Variants in LAMC3 observed in about 807,000 individuals in gnomAD.
LAMC3 encodes the protein laminin subunit gamma 3, also known as laminin subunit gamma-3.
In LAMC3, 128 loss-of-function variants were observed where a neutral mutation model predicts 173.8. That is an observed-to-expected ratio of 0.74 (90% CI 0.64 to 0.85). The LOEUF (loss-of-function observed/expected upper bound fraction) is 0.85. Ranked by LOEUF, LAMC3 falls within the 40% of genes least tolerant of loss-of-function variation. LAMC3 has a pLI of 0.00. For missense variants in LAMC3, 2,022 were observed against 2,156.0 expected, an observed-to-expected ratio of 0.94 and a Z score of 1.23; for synonymous variants, 897 against 909.1, an observed-to-expected ratio of 0.99 and a Z score of 0.24.
At chr9:131,076,584 A>G (rs1020949329) in intron 21 of LAMC3, among the ~76,000 whole-genome samples, 1 of 152,208 alleles carries the variant, frequency 6.6e-6, no homozygotes, top group Admixed American at 6.5e-5. Context: ...AGGAGGAGTA[A>G]GGGATGGAAG....
At chr9:131,033,860 G>T (rs190762296) in intron 3 of LAMC3, among the ~76,000 whole-genome samples, 3 of 152,100 alleles carry the variant, frequency 2.0e-5, no homozygotes, top group Non-Finnish European at 2.9e-5. Context: ...GTTCAGAGGC[G>T]CTTGGGTGGC....
chr9:131,044,098 A>G (rs547163038), intron 7 of LAMC3, among the ~76,000 whole-genome samples: 1 of 151,526 alleles, frequency 6.6e-6, no homozygotes, highest in Non-Finnish European at 1.5e-5. Flanking sequence ...AGCTAGGATT[A>G]TAGGCACCCA....
chr9:131,038,953 C>T lies in LAMC3; in HGVS notation c.1066C>T (p.Arg356Cys), dbSNP rs138713603. ...CCACGGCGGGCGCTGTCACCACTGCCGTGACCACACAGCTGGGCCACACTG... is the reference window on the plus strand; with the variant it reads ...CCACGGCGGGCGCTGTCACCACTGCTGTGACCACACAGCTGGGCCACACTG... ...TGHGGRCHHCRDHTAGPHCER... is the reference protein window; with the variant it reads ...TGHGGRCHHCCDHTAGPHCER... Residue 356 changes from arginine to cysteine, a missense_variant, in exon 5 of 28, where the codon CGT becomes TGT. Transcript: ENST00000361069. 7.2e-4 allele frequency: 1,163 copies of T among 1,613,150 alleles called. No homozygotes were observed. Among genetic ancestry groups the T allele is most frequent in the Non-Finnish European group, 9.2e-4 (1,090 of 1,179,950 alleles).
At chr9:131,075,719 G>C in intron 20 of LAMC3, 112 bp from the exon 21 acceptor site, 1 of 1,218,838 alleles carries the variant, frequency 8.2e-7, no homozygotes, top group Non-Finnish European at 1.2e-6. Flanking sequence ...TGTCTTTGTG[G>C]CTGTCCTCTG....
intron 1 of LAMC3, among the ~76,000 whole-genome samples, chr9:131,012,028 C>T (rs1204621214): frequency 2.0e-5 from 3 of 150,040 alleles, no homozygotes; most frequent in Non-Finnish European, 4.4e-5. Flanking sequence ...AGAGCCTCCA[C>T]ACTGTGAATG....
chr9:131,045,420 T>C, intron 7 of LAMC3, 104 bp from the exon 8 acceptor site: 1 of 1,337,870 alleles, frequency 7.5e-7, no homozygotes, highest in South Asian at 1.2e-5. Context: ...TTTAAGTTTC[T>C]GCAGTGATTC....
chr9:131,067,167 G>A lies in LAMC3; in HGVS notation c.2555G>A (p.Gly852Glu), dbSNP rs1829953227. 5 of 1,614,130 alleles carry A rather than the reference G, an allele frequency of 3.1e-6. No homozygotes were observed. Among genetic ancestry groups the A allele is most frequent in the Non-Finnish European group, 4.2e-6 (5 of 1,180,032 alleles). Residue 852 changes from glycine to glutamate, a missense_variant, in exon 14 of 28, where the codon GGG becomes GAG. Physicochemically the swap from Gly to Glu is moderately conservative, Grantham distance 98. Coordinates refer to ENST00000361069, the MANE Select transcript of LAMC3 (RefSeq NM_006059.4). ...GAGCACTGTCAGGAAGGCTTCTACG[G>A]GAGCGCCCTGGCCCCTCGACCCGCA... ...HCEHCQEGFY[G>E]SALAPRPADK...
At chr9:131,038,766 C>T (rs1490238839) in intron 4 of LAMC3, 98 bp from the exon 5 acceptor site, 4 of 1,257,886 alleles carry the variant, frequency 3.2e-6, no homozygotes, top group Non-Finnish European at 4.6e-6. Flanking sequence ...TCTCTTTGCA[C>T]TGCCTGCTCA....
chr9:131,056,896 T>TC (rs1361180368), intron 11 of LAMC3, 33 bp from the exon 12 acceptor site: 1 of 1,568,384 alleles, frequency 6.4e-7, no homozygotes, highest in African/African-American at 1.3e-5. Context: ...AGCTTGTGCC[T>TC]CCTCTCTTCC....
intron 6 of LAMC3, among the ~76,000 whole-genome samples, chr9:131,039,492 T>C (rs1294298944): frequency 6.6e-6 from 1 of 151,552 alleles, no homozygotes; most frequent in Non-Finnish European, 1.5e-5. Flanking sequence ...GCAGGCTTCC[T>C]GTAGGAGGTG....
In LAMC3 at chr9:131,085,522, A is replaced by C; in HGVS notation, c.4031-2A>C. ...CTGACCCAGCCTCAGCCGGGTTTGC[A>C]GGAATGAAGCTGCAGTTTCCCCGGC... is the stretch of plus-strand genomic sequence containing the variant. On this transcript the variant is annotated splice_acceptor_variant, in intron 24 of 27. Coordinates refer to ENST00000361069, the MANE Select transcript of LAMC3 (RefSeq NM_006059.4). LOFTEE classifies it high-confidence loss of function. 1 of 1,613,790 alleles carries C rather than the reference A, an allele frequency of 6.2e-7. No homozygotes were observed. Among genetic ancestry groups the C allele is most frequent in the Non-Finnish European group, 8.5e-7 (1 of 1,179,976 alleles).
At chr9:131,012,819 C>T (rs1833446784) in intron 1 of LAMC3, among the ~76,000 whole-genome samples, 1 of 152,228 alleles carries the variant, frequency 6.6e-6, no homozygotes, top group African/African-American at 2.4e-5. Flanking sequence ...CCCGGGGTCT[C>T]CTAGAGGGAA....
intron 12 of LAMC3, 75 bp downstream of exon 12, chr9:131,057,222 G>A: frequency 7.8e-7 from 1 of 1,290,164 alleles, no homozygotes; most frequent in Non-Finnish European, 1.1e-6. Flanking sequence ...GACCTGAACA[G>A]GGCCAGCCTG....
chr9:131,051,365 C>CT (rs58477043), intron 9 of LAMC3, among the ~76,000 whole-genome samples: 28,670 of 126,568 alleles, frequency 0.23, 3,908 homozygotes, highest in Admixed American at 0.28. Flanking sequence ...TTTTACCATT[C>CT]TTTTTTTTTT....
intron 3 of LAMC3, 23 bp downstream of exon 3, chr9:131,032,198 G>A: frequency 6.4e-7 from 1 of 1,574,136 alleles, no homozygotes; most frequent in Non-Finnish European, 8.7e-7. Context: ...AGGGAGGCAG[G>A]GTGGCAGGGC....
intron 22 of LAMC3, among the ~76,000 whole-genome samples, chr9:131,078,274 G>A (rs778453940): frequency 9.2e-5 from 14 of 151,994 alleles, no homozygotes; most frequent in Non-Finnish European, 1.0e-4. Flanking sequence ...GGCGGATCAC[G>A]AGATCAGGAG....
intron 7 of LAMC3, among the ~76,000 whole-genome samples, chr9:131,044,084 A>C (rs1213586187): frequency 2.7e-5 from 4 of 150,114 alleles, no homozygotes; most frequent in Non-Finnish European, 5.9e-5. Flanking sequence ...TCAGCCTCCT[A>C]AGTAGCTAGG....
At chr9:131,085,748 G>A in intron 25 of LAMC3, 25 bp downstream of exon 25, 1 of 1,611,476 alleles carries the variant, frequency 6.2e-7, no homozygotes, top group Middle Eastern at 1.7e-4. Flanking sequence ...TGTGACAACA[G>A]TGGCCTCCTT....
At chr9:131,058,594 T>C (rs1054227860) in intron 12 of LAMC3, among the ~76,000 whole-genome samples, 4 of 151,944 alleles carry the variant, frequency 2.6e-5, no homozygotes, top group Non-Finnish European at 5.9e-5. Context: ...TGGGCATTTT[T>C]CTTCCTGAAA....
Sources: allele counts gnomAD v4.1 joint callset (sites outside exome capture counted in the v4.1 genomes callset), GRCh38; gene constraint gnomAD v4.1.1; transcripts MANE v1.5; gene names NCBI Gene and HGNC (gene_info 2026-07-23, HGNC 2026-07-21).